Variants in ERAP1 observed in about 807,000 individuals in gnomAD.
The protein encoded by ERAP1 is endoplasmic reticulum aminopeptidase 1, also known as adipocyte-derived leucine aminopeptidase.
Under a neutral mutation model 103.7 loss-of-function variants are expected in ERAP1, and 86 were observed. The ratio of observed to expected loss-of-function variants is 0.83; its 90% CI spans 0.70 to 0.99. The LOEUF (loss-of-function observed/expected upper bound fraction) is 0.99, where lower values mean the gene tolerates loss of function less well. Among genes scored for constraint, ERAP1 ranks in the 50% least tolerant of loss-of-function variants. The pLI, the probability that ERAP1 is intolerant of heterozygous loss-of-function variation, is 0.00. For missense variants in ERAP1, 1,009 were observed against 1,128.4 expected, an observed-to-expected ratio of 0.89 and a Z score of 1.52; for synonymous variants, 398 against 402.4, an observed-to-expected ratio of 0.99 and a Z score of 0.13.
chr5:96,853,275 G>A, the ERAP1 span, among the ~76,000 whole-genome samples: 1 of 152,136 alleles, frequency 6.6e-6, no homozygotes, highest in African/African-American at 2.4e-5. Context: ...TGATCCCAGG[G>A]GAGAGGTTGT....
the ERAP1 span, among the ~76,000 whole-genome samples, chr5:96,831,380 A>G: frequency 1.3e-5 from 2 of 152,180 alleles, no homozygotes; most frequent in Non-Finnish European, 2.9e-5. Flanking sequence ...ACAATTTGAC[A>G]TGAGAGTTGG....
chr5:96,850,437 T>A, the ERAP1 span, among the ~76,000 whole-genome samples: 1 of 152,154 alleles, frequency 6.6e-6, no homozygotes, highest in Non-Finnish European at 1.5e-5. Flanking sequence ...AAAACCTGCA[T>A]AGACATTTCT....
At position 96,765,222 on chromosome 5, in the gene ERAP1, A is replaced by G. The variant is rs774652019; in HGVS notation, c.2819-1994T>C. The G allele has an allele frequency of 2.5e-6, 4 of 1,582,252 alleles. No homozygotes were observed. The South Asian group carries it at 4.5e-5, about 18-fold the overall frequency. On this transcript the variant is annotated intron_variant, in intron 19 of 19. Coordinates refer to the ERAP1 transcript ENST00000296754. ...AATTCAGCATTATTTACTTTTCAGC[A>G]GAGTGACAAAGACCTCGATGATGCC... is the stretch of plus-strand genomic sequence containing the variant.
rs759647916 is a variant in ERAP1 at position 96,784,068 on chromosome 5, C to A, written c.1956G>T (p.Leu652=). 6.2e-7 allele frequency: 1 copy of A among 1,614,120 alleles called. No individual in the cohort carries two copies. The highest frequency in any genetic ancestry group is 1.7e-5 in the Admixed American group (1 of 60,028). Residue 652 remains leucine (L), a synonymous_variant, in exon 14 of 19, where the codon CTG becomes CTT. Coordinates refer to ENST00000443439, the MANE Select transcript of ERAP1 (RefSeq NM_001040458.3). ...ATAAATCCAAGGCCTTTTCAATGGA[C>A]AGCTTCCCAATGCTGACCAAGAGAC... The part of the protein sequence containing the change: ...NAFQLVSIGK[L]SIEKALDLSL...
At chr5:96,769,180 G>A (rs1484841312) in intron 19 of ERAP1, 1 of 152,156 alleles carries the variant, frequency 6.6e-6, no homozygotes, top group Non-Finnish European at 1.5e-5. Context: ...GCTGTTCTAA[G>A]GCACTGCTCT....
intron 3 of ERAP1, among the ~76,000 whole-genome samples, chr5:96,798,292 T>C (rs976707368): frequency 2.5e-4 from 33 of 129,962 alleles, no homozygotes; most frequent in African/African-American, 9.8e-4. Context: ...GCCACTGCAC[T>C]CCAGCCTGGA....
chr5:96,796,124 A>G (rs1425415842), intron 4 of ERAP1, among the ~76,000 whole-genome samples: 1 of 152,190 alleles, frequency 6.6e-6, no homozygotes, highest in Non-Finnish European at 1.5e-5. Flanking sequence ...TCCCCAGTTA[A>G]GTAAAGATAC....
the ERAP1 span, among the ~76,000 whole-genome samples, chr5:96,874,114 G>A: frequency 7.4e-6 from 1 of 134,292 alleles, no homozygotes; most frequent in Non-Finnish European, 1.6e-5. Context: ...AAAAAAGAAG[G>A]AAGGAAAGAA....
At chr5:96,855,649 C>A in the ERAP1 span, among the ~76,000 whole-genome samples, 4 of 152,190 alleles carry the variant, frequency 2.6e-5, no homozygotes, top group African/African-American at 9.6e-5. Context: ...TGAAAACTAG[C>A]TAACCGTCAG....
intron 7 of ERAP1, among the ~76,000 whole-genome samples, chr5:96,793,078 T>C (rs75381667): frequency 0.016 from 2,399 of 152,308 alleles, 69 homozygotes; most frequent in Admixed American, 0.073. Context: ...CTAATAATTC[T>C]GCAATGAGCA....
chr5:96,901,652 A>G, the ERAP1 span: 7 of 1,613,918 alleles, frequency 4.3e-6, no homozygotes, highest in South Asian at 2.2e-5. Flanking sequence ...TTTTCCAGGA[A>G]GACCCTGAAT....
chr5:96,863,802 T>TG, the ERAP1 span, among the ~76,000 whole-genome samples: 1 of 152,060 alleles, frequency 6.6e-6, no homozygotes, highest in Admixed American at 6.6e-5. Flanking sequence ...CACTCCTCTC[T>TG]GGTACAAACC....
chr5:96,873,704 T>A, the ERAP1 span: 1 of 324,990 alleles, frequency 3.1e-6, no homozygotes, highest in Non-Finnish European at 6.1e-6. Flanking sequence ...AAACAAAAAC[T>A]AAAACACTGA....
At chr5:96,806,620 C>A (rs1038265326) in intron 1 of ERAP1, among the ~76,000 whole-genome samples, 16 of 132,078 alleles carry the variant, frequency 1.2e-4, no homozygotes, top group Non-Finnish European at 3.2e-5. Context: ...CACCAAGATC[C>A]CTCTTTTTTT....
the ERAP1 span, among the ~76,000 whole-genome samples, chr5:96,885,735 G>A: frequency 6.9e-6 from 1 of 144,888 alleles, no homozygotes; most frequent in East Asian, 1.9e-4. Flanking sequence ...GTTGTGACTA[G>A]CTTGAAGAAA....
the ERAP1 span, chr5:96,892,176 T>C: frequency 1.1e-6 from 1 of 923,872 alleles, no homozygotes; most frequent in Non-Finnish European, 1.7e-6. Context: ...TAAGATATTC[T>C]TGATGTTTTC....
chr5:96,910,071 C>A, the ERAP1 span: 1 of 216,332 alleles, frequency 4.6e-6, no homozygotes, highest in Non-Finnish European at 9.6e-6. Context: ...TCAAGACCAG[C>A]CTGGCCAACA....
the ERAP1 span, among the ~76,000 whole-genome samples, chr5:96,863,906 T>G: frequency 6.6e-6 from 1 of 152,308 alleles, no homozygotes; most frequent in African/African-American, 2.4e-5. Context: ...ATGTGCTCTT[T>G]CCTCCTTTTC....
the ERAP1 span, among the ~76,000 whole-genome samples, chr5:96,878,509 C>CAT: frequency 6.6e-6 from 1 of 152,128 alleles, no homozygotes; most frequent in Admixed American, 6.5e-5. Flanking sequence ...TACTTTCAGG[C>CAT]ATACACTTAA....
Sources: gnomAD v4.1 joint callset for allele counts (sites outside exome capture counted in the v4.1 genomes callset) on GRCh38, gnomAD v4.1.1 for gene constraint, MANE v1.5 for transcripts, NCBI Gene and HGNC (gene_info 2026-07-23, HGNC 2026-07-21) for gene names.